Variants in CCND3 observed in about 807,000 individuals in gnomAD.
The protein encoded by CCND3 is cyclin D3, also known as G1/S-specific cyclin-D3.
Under a neutral mutation model 28.7 loss-of-function variants are expected in CCND3, and 9 were observed. That is an observed-to-expected ratio of 0.31 (90% CI 0.19 to 0.55). The LOEUF is 0.55. Ranked by LOEUF, CCND3 falls within the 20% of genes least tolerant of loss-of-function variation. The pLI is 0.93. For missense variants in CCND3, 315 were observed against 385.8 expected, an observed-to-expected ratio of 0.82 and a Z score of 1.54; for synonymous variants, 164 against 163.9, an observed-to-expected ratio of 1.00 and a Z score of 0.00.
chr6:41,959,424 TG>T (rs1336430391), intron 1 of CCND3, among the ~76,000 whole-genome samples: 2 of 152,056 alleles, frequency 1.3e-5, no homozygotes, highest in Non-Finnish European at 1.5e-5. Context: ...CTCACGCCTG[TG>T]AGCCAGGCCA....
chr6:41,955,651 C>A (rs952804151), intron 1 of CCND3, among the ~76,000 whole-genome samples: 295 of 113,308 alleles, frequency 2.6e-3, no homozygotes, highest in Admixed American at 3.2e-3. Context: ...CCTATCTCTA[C>A]AAAAAAAAAA....
chr6:42,045,896 C>CCT (rs1764527703), intron 1 of CCND3, among the ~76,000 whole-genome samples: 1 of 152,196 alleles, frequency 6.6e-6, no homozygotes, highest in Non-Finnish European at 1.5e-5. Flanking sequence ...GTGCCTGGGG[C>CCT]AGGGGGCCAG....
chr6:42,044,523 C>G (rs1181505777), intron 1 of CCND3, among the ~76,000 whole-genome samples: 7 of 152,206 alleles, frequency 4.6e-5, no homozygotes. Context: ...GGTCGTCTTG[C>G]TGGCAGAGGC....
At chr6:41,962,942 G>A (rs113039390) in intron 1 of CCND3, among the ~76,000 whole-genome samples, 19 of 152,100 alleles carry the variant, frequency 1.2e-4, no homozygotes, top group African/African-American at 3.1e-4. Flanking sequence ...TAGTAGAGAC[G>A]GGGTTTCACC....
chr6:42,036,532 C>A (rs1458682748), intron 1 of CCND3, among the ~76,000 whole-genome samples: 3 of 149,686 alleles, frequency 2.0e-5, no homozygotes, highest in Admixed American at 6.7e-5. Context: ...ACCTCAGCCT[C>A]CTCCTGGTCT....
At position 42,022,606 on chromosome 6, in the gene CCND3, T is replaced by G. The variant is rs1413848791; in HGVS notation, c.-46+25895A>C. ...AAATAAAGATCAGGTCAAAACAGGC[T>G]CCCCCCAACCGCCAGGGGGTCTTCC... is the stretch of plus-strand genomic sequence containing the variant. On this transcript the variant is annotated intron_variant, in intron 1 of 4. Coordinates refer to the CCND3 transcript ENST00000372988. Among the ~76,000 whole-genome samples, 3 of 151,862 alleles carry G rather than the reference T, an allele frequency of 2.0e-5. No homozygotes were observed. The East Asian group carries it at 5.8e-4, about 29-fold the overall frequency.
At chr6:42,013,501 A>G (rs1388211533) in intron 1 of CCND3, among the ~76,000 whole-genome samples, 1 of 152,238 alleles carries the variant, frequency 6.6e-6, no homozygotes, top group Non-Finnish European at 1.5e-5. Context: ...CATAGTAGAC[A>G]TTCAATAAAT....
At chr6:42,024,004 T>C (rs1280565263) in intron 1 of CCND3, among the ~76,000 whole-genome samples, 1 of 152,146 alleles carries the variant, frequency 6.6e-6, no homozygotes, top group Non-Finnish European at 1.5e-5. Flanking sequence ...TGTACGTGCA[T>C]AAAGCCTCCT....
intron 1 of CCND3, among the ~76,000 whole-genome samples, chr6:42,020,585 C>T (rs1295618816): frequency 6.6e-6 from 1 of 152,178 alleles, no homozygotes; most frequent in Non-Finnish European, 1.5e-5. Flanking sequence ...CCTTGCATCC[C>T]AGCCCTCCAA....
intron 1 of CCND3, among the ~76,000 whole-genome samples, chr6:42,036,391 ATATATATATATATTTTTTTT>A (rs1461062805): frequency 2.6e-4 from 10 of 38,934 alleles, no homozygotes; most frequent in African/African-American, 9.0e-4. Flanking sequence ...ATATATATAT[ATATATATATATATTTTTTTT>A]TTTTTTTTTT....
At chr6:41,995,318 T>G (rs1417770384) in intron 1 of CCND3, among the ~76,000 whole-genome samples, 3 of 151,916 alleles carry the variant, frequency 2.0e-5, no homozygotes, top group African/African-American at 7.3e-5. Context: ...AGTGCAGTGG[T>G]GCGATCTCAG....
chr6:41,996,577 T>C (rs548149482), intron 1 of CCND3, among the ~76,000 whole-genome samples: 10 of 152,292 alleles, frequency 6.6e-5, no homozygotes, highest in African/African-American at 2.4e-4. Flanking sequence ...GTCTCACTTA[T>C]GTCTCTTCTA....
chr6:42,027,253 C>T (rs1483680744), intron 1 of CCND3, among the ~76,000 whole-genome samples: 1 of 152,088 alleles, frequency 6.6e-6, no homozygotes, highest in Non-Finnish European at 1.5e-5. Flanking sequence ...TCCTGGCTAA[C>T]ACGGTGAAAC....
chr6:42,015,346 T>C (rs1386949467), intron 1 of CCND3, among the ~76,000 whole-genome samples: 1 of 152,154 alleles, frequency 6.6e-6, no homozygotes, highest in Non-Finnish European at 1.5e-5. Context: ...GAGGACTATG[T>C]GACAAGTGCT....
At chr6:41,994,450 G>T (rs1762738374) in intron 1 of CCND3, among the ~76,000 whole-genome samples, 2 of 152,140 alleles carry the variant, frequency 1.3e-5, no homozygotes, top group African/African-American at 4.8e-5. Context: ...AAGACCAGTG[G>T]TTCCCAGGAA....
At chr6:41,966,985 T>C (rs1761904369) in intron 1 of CCND3, among the ~76,000 whole-genome samples, 1 of 152,060 alleles carries the variant, frequency 6.6e-6, no homozygotes, top group African/African-American at 2.4e-5. Context: ...AATATAACAA[T>C]AGTTATATAG....
intron 1 of CCND3, among the ~76,000 whole-genome samples, chr6:41,994,222 C>A (rs956429599): frequency 6.6e-6 from 1 of 151,906 alleles, no homozygotes. Flanking sequence ...AGTACAGTAA[C>A]CTGCTATACA....
rs1775878070 is a variant in CCND3, at chr6:41,938,383, C to A, written c.415-989G>T. On this transcript the variant is annotated intron_variant, in intron 2 of 4. Coordinates refer to ENST00000372991, the MANE Select transcript of CCND3 (RefSeq NM_001760.5). The surrounding 1 kb of genome is among the most constrained non-coding windows in gnomAD (Gnocchi z 4.6). ...CAGCCACAGCTGTCTCTCTCTTGGCCCCAGCTTAGGTGTCAGCCTCTCAAA... is the reference window on the plus strand; with the variant it reads ...CAGCCACAGCTGTCTCTCTCTTGGCACCAGCTTAGGTGTCAGCCTCTCAAA... 1 of 152,284 alleles carries A rather than the reference C, an allele frequency of 6.6e-6. No homozygotes were observed. The highest frequency in any genetic ancestry group is 2.4e-5 in the African/African-American group (1 of 41,464). The allele number at this position is 152,284 out of a possible 1,614,324, so 9.4% of individuals were successfully genotyped here.
chr6:41,992,096 T>C (rs1026298622), intron 1 of CCND3, among the ~76,000 whole-genome samples: 10 of 152,162 alleles, frequency 6.6e-5, no homozygotes, highest in African/African-American at 2.2e-4. Flanking sequence ...TTCCTTTCCT[T>C]TGGATAAATG....
Sources: gnomAD v4.1 joint callset for allele counts (sites outside exome capture counted in the v4.1 genomes callset) on GRCh38, gnomAD v4.1.1 for gene constraint, Gnocchi (gnomAD v3.1) non-coding constraint, MANE v1.5 for transcripts, NCBI Gene and HGNC (gene_info 2026-07-23, HGNC 2026-07-21) for gene names.